The following FARP1 variants were observed in gnomAD, a reference collection of about 807,000 sequenced individuals.
FARP1 encodes the protein FERM, ARHGEF and pleckstrin domain-containing protein 1.
In FARP1, 52 loss-of-function variants were observed where a neutral mutation model predicts 128.8. The observed-to-expected ratio is 0.40, with a 90% CI of 0.32 to 0.51. FARP1 has a LOEUF of 0.51. FARP1 is among the 20% of genes least tolerant of loss of function. The probability of loss-of-function intolerance (pLI) is 0.45; values close to 1 mark genes in which losing one functional copy is unlikely to be tolerated. For missense variants in FARP1, 1,333 were observed against 1,367.9 expected, an observed-to-expected ratio of 0.97 and a Z score of 0.40; for synonymous variants, 580 against 551.8, an observed-to-expected ratio of 1.05 and a Z score of -0.72.
intron 1 of FARP1, among the ~76,000 whole-genome samples, chr13:98,167,280 T>C (rs1029466525): frequency 6.6e-6 from 1 of 152,204 alleles, no homozygotes; most frequent in African/African-American, 2.4e-5. Context: ...CAGCCCTTTA[T>C]AATATGTAAT....
intron 2 of FARP1, chr13:98,331,674 C>G (rs1027491017): frequency 3.9e-5 from 6 of 152,146 alleles, no homozygotes; most frequent in Admixed American, 2.6e-4. Flanking sequence ...ATGTATATTT[C>G]CTTCATTTAA....
chr13:98,377,685 G>A (rs1269199592), intron 5 of FARP1, 136 bp from the exon 6 acceptor site: 5 of 633,084 alleles, frequency 7.9e-6, no homozygotes, highest in Admixed American at 2.7e-5. Context: ...GTGAATGGCA[G>A]CTGGAATCCG....
intron 2 of FARP1, among the ~76,000 whole-genome samples, chr13:98,324,218 AAAAC>A (rs1243393415): frequency 1.3e-5 from 2 of 152,220 alleles, no homozygotes; most frequent in African/African-American, 2.4e-5. Flanking sequence ...CTTGGAAAGA[AAAAC>A]AAAGGTCAAG....
At chr13:98,394,738 C>T (rs1477146111) in intron 12 of FARP1, among the ~76,000 whole-genome samples, 1 of 152,138 alleles carries the variant, frequency 6.6e-6, no homozygotes, top group Non-Finnish European at 1.5e-5. Flanking sequence ...AGTTCAAGCG[C>T]AGCCTGGACA....
At chr13:98,211,627 C>A (rs1246207030) in intron 1 of FARP1, among the ~76,000 whole-genome samples, 1 of 152,184 alleles carries the variant, frequency 6.6e-6, no homozygotes, top group Non-Finnish European at 1.5e-5. Context: ...GGATGCCATT[C>A]CACTTCCCAG....
At chr13:98,394,618 G>A (rs1890442459) in intron 12 of FARP1, among the ~76,000 whole-genome samples, 1 of 152,154 alleles carries the variant, frequency 6.6e-6, no homozygotes, top group African/African-American at 2.4e-5. Flanking sequence ...CCTGGGCAAC[G>A]TAGACCCCAG....
At chr13:98,216,920 G>A (rs768479574) in intron 2 of FARP1, among the ~76,000 whole-genome samples, 2 of 152,192 alleles carry the variant, frequency 1.3e-5, no homozygotes, top group Non-Finnish European at 2.9e-5. Flanking sequence ...GTGCAAATAA[G>A]CTTCAGCCTG....
chr13:98,222,366 C>A (rs536589829), intron 2 of FARP1, among the ~76,000 whole-genome samples: 1 of 152,306 alleles, frequency 6.6e-6, no homozygotes, highest in South Asian at 2.1e-4. Context: ...GCCAAGTCTG[C>A]CCGTACATTA....
chr13:98,285,752 A>G (rs1430537139), intron 2 of FARP1, among the ~76,000 whole-genome samples: 1 of 152,234 alleles, frequency 6.6e-6, no homozygotes, highest in Non-Finnish European at 1.5e-5. Flanking sequence ...TTAAGAGTTG[A>G]AAATAAAATG....
At chr13:98,152,857 C>T (rs1363001664) in intron 1 of FARP1, among the ~76,000 whole-genome samples, 1 of 152,156 alleles carries the variant, frequency 6.6e-6, no homozygotes, top group Admixed American at 6.6e-5. Flanking sequence ...AGTCGTGCAA[C>T]TGAGTCTACA....
At chr13:98,281,105 C>T (rs1884915756) in intron 2 of FARP1, among the ~76,000 whole-genome samples, 1 of 152,152 alleles carries the variant, frequency 6.6e-6, no homozygotes, top group African/African-American at 2.4e-5. Context: ...CCTGTAATCC[C>T]AGCACTTTGA....
chr13:98,268,579 T>A (rs1392678420), intron 2 of FARP1, among the ~76,000 whole-genome samples: 1 of 152,204 alleles, frequency 6.6e-6, no homozygotes, highest in African/African-American at 2.4e-5. Flanking sequence ...ATGATTCTCC[T>A]GCGTCAGCCT....
chr13:98,364,091 TA>T (rs1247046676), intron 3 of FARP1, among the ~76,000 whole-genome samples: 2 of 152,236 alleles, frequency 1.3e-5, no homozygotes, highest in African/African-American at 2.4e-5. Context: ...TGATGTACAT[TA>T]TTCTACTTAA....
At chr13:98,217,274 G>C (rs1301934801) in intron 2 of FARP1, among the ~76,000 whole-genome samples, 2 of 151,116 alleles carry the variant, frequency 1.3e-5, no homozygotes, top group South Asian at 2.1e-4. Flanking sequence ...GAGCAGCCCT[G>C]GTAAAAAAAA....
chr13:98,439,809 A>T, intron 21 of FARP1, 152 bp from the exon 22 acceptor site: 1 of 606,920 alleles, frequency 1.6e-6, no homozygotes. Flanking sequence ...GGTTTTTCCA[A>T]CTCAGAGTGC....
At chr13:98,220,276 A>G (rs976052234) in intron 2 of FARP1, among the ~76,000 whole-genome samples, 16 of 152,098 alleles carry the variant, frequency 1.1e-4, no homozygotes, top group South Asian at 8.3e-4. Flanking sequence ...CAAATGCTTC[A>G]CACATAAGAG....
chr13:98,291,493 A>G (rs1201595097), intron 2 of FARP1, among the ~76,000 whole-genome samples: 9 of 152,180 alleles, frequency 5.9e-5, no homozygotes, highest in Non-Finnish European at 1.3e-4. Flanking sequence ...TTTGCTTTCC[A>G]TCGTGGGCAG....
At chr13:98,152,637 A>G (rs1421600586) in intron 1 of FARP1, among the ~76,000 whole-genome samples, 1 of 152,182 alleles carries the variant, frequency 6.6e-6, no homozygotes, top group African/African-American at 2.4e-5. Context: ...TTCTCGTCGT[A>G]CTTGAGTTGG....
intron 19 of FARP1, 185 bp downstream of exon 19, chr13:98,435,891 T>A: frequency 1.4e-6 from 1 of 710,716 alleles, no homozygotes; most frequent in Non-Finnish European, 2.6e-6. Context: ...TCGGAGGAGA[T>A]AAAGCAATCC....
Sources: allele counts gnomAD v4.1 joint callset (sites outside exome capture counted in the v4.1 genomes callset), GRCh38; gene constraint gnomAD v4.1.1; transcripts MANE v1.5; gene names NCBI Gene and HGNC (gene_info 2026-07-23, HGNC 2026-07-21).